Variants in SSBP2 observed in about 807,000 individuals in gnomAD.
SSBP2 encodes single-stranded DNA-binding protein 2.
In SSBP2, 17 loss-of-function variants were observed where a neutral mutation model predicts 61.8. The observed-to-expected ratio is 0.28, with a 90% CI of 0.19 to 0.41. The LOEUF (loss-of-function observed/expected upper bound fraction) is 0.41, where lower values mean the gene tolerates loss of function less well. SSBP2 is among the 10% of genes least tolerant of loss of function. SSBP2 has a pLI of 1.00. For missense variants in SSBP2, 310 were observed against 458.7 expected (o/e 0.68, Z 2.96); for synonymous variants, 139 against 141.3 (o/e 0.98, Z 0.12).
chr5:81,710,735 A>G (rs1222048298), intron 1 of SSBP2: 1 of 453,046 alleles, frequency 2.2e-6, no homozygotes, highest in African/African-American at 2.0e-5. Context: ...CATCACCCTT[A>G]CAAGAGTGAA....
chr5:81,517,579 A>G (rs1769132277), intron 4 of SSBP2, among the ~76,000 whole-genome samples: 1 of 151,942 alleles, frequency 6.6e-6, no homozygotes, highest in African/African-American at 2.4e-5. Context: ...TTCATGTTCT[A>G]TGTACTTACA....
intron 4 of SSBP2, among the ~76,000 whole-genome samples, chr5:81,606,396 G>C (rs1744881885): frequency 6.6e-6 from 1 of 152,140 alleles, no homozygotes; most frequent in Non-Finnish European, 1.5e-5. Flanking sequence ...TAGAAAGTAA[G>C]AGGGTTCCAA....
At position 81,494,091 on chromosome 5, in the gene SSBP2, T is replaced by C. The variant is rs1259909021; in HGVS notation, c.373-4782A>G. Among the ~76,000 whole-genome samples the C allele has an allele frequency of 3.3e-5, 5 of 152,300 alleles. No homozygotes were observed. In the East Asian group the frequency reaches 9.6e-4, roughly 29 times the overall value. Reference sequence around the variant, plus strand: ...CACTAATCTGAGACAAATAGAATGTTCTCTTCACCAAATGGCGAGTATCAA... The same window carrying C: ...CACTAATCTGAGACAAATAGAATGTCCTCTTCACCAAATGGCGAGTATCAA... On this transcript the variant is annotated intron_variant, in intron 5 of 16. Transcript: ENST00000320672.
chr5:81,672,659 C>G (rs754549009), intron 1 of SSBP2, among the ~76,000 whole-genome samples: 1 of 151,734 alleles, frequency 6.6e-6, no homozygotes, highest in Non-Finnish European at 1.5e-5. Context: ...GCAACCTCCA[C>G]CTCCCAGGTA....
At position 81,615,360 on chromosome 5, in the gene SSBP2, A is replaced by C. The variant is rs973483928; in HGVS notation, c.282+113T>G. The C allele has an allele frequency of 1.4e-5, 11 of 806,374 alleles. No individual in the cohort carries two copies. In the African/African-American group the frequency reaches 1.9e-4, roughly 14 times the overall value. 50.0% of individuals were successfully genotyped at this position (806,374 alleles called of 1,614,324 possible). A position where few individuals can be genotyped will look rare whatever the true frequency, so the allele number is the denominator to read the frequency against. The stretch of plus-strand genomic sequence containing the variant: ...CTACTTTTCAAGAAAAAAGAGACCA[A>C]ACAATTTCTTAAGTACCAAAACAAA... On this transcript the variant is annotated intron_variant, in intron 4 of 16. Transcript: ENST00000320672.
intron 4 of SSBP2, among the ~76,000 whole-genome samples, chr5:81,542,565 T>C (rs1314915107): frequency 6.6e-6 from 1 of 151,994 alleles, no homozygotes; most frequent in Non-Finnish European, 1.5e-5. Context: ...TTCCATGGTG[T>C]ATACACATGG....
At chr5:81,466,160 T>C (rs527796615) in intron 9 of SSBP2, among the ~76,000 whole-genome samples, 1 of 152,158 alleles carries the variant, frequency 6.6e-6, no homozygotes, top group African/African-American at 2.4e-5. Context: ...TCATTACTTT[T>C]GGTAAATTTT....
chr5:81,670,432 G>A (rs528307582), intron 1 of SSBP2, among the ~76,000 whole-genome samples: 8 of 152,166 alleles, frequency 5.3e-5, no homozygotes, highest in African/African-American at 7.2e-5. Context: ...TCTAAACTTA[G>A]TAAAGTTCCT....
intron 4 of SSBP2, among the ~76,000 whole-genome samples, chr5:81,544,126 T>A (rs1408288617): frequency 6.6e-6 from 1 of 152,116 alleles, no homozygotes. Flanking sequence ...CTCGGCTCAC[T>A]GCAAGCTCCG....
At chr5:81,591,798 A>G (rs1775524674) in intron 4 of SSBP2, among the ~76,000 whole-genome samples, 1 of 152,244 alleles carries the variant, frequency 6.6e-6, no homozygotes, top group South Asian at 2.1e-4. Flanking sequence ...TTACAGGACA[A>G]TAGCAAACAG....
chr5:81,430,304 A>G (rs1762207559), intron 15 of SSBP2, among the ~76,000 whole-genome samples: 1 of 152,312 alleles, frequency 6.6e-6, no homozygotes, highest in East Asian at 1.9e-4. Flanking sequence ...TAATACTAGA[A>G]TAAAATACAA....
At chr5:81,433,036 G>A (rs1450587085) in intron 15 of SSBP2, among the ~76,000 whole-genome samples, 18 of 151,540 alleles carry the variant, frequency 1.2e-4, no homozygotes, top group African/African-American at 3.4e-4. Flanking sequence ...GGTGAGGGGC[G>A]CCTCTGCCCG....
chr5:81,431,505 A>G (rs1762285065), intron 15 of SSBP2, among the ~76,000 whole-genome samples: 1 of 152,146 alleles, frequency 6.6e-6, no homozygotes, highest in Non-Finnish European at 1.5e-5. Context: ...ATAATACACC[A>G]CAAACACAAT....
intron 1 of SSBP2, among the ~76,000 whole-genome samples, chr5:81,676,487 AACC>A (rs1751996428): frequency 6.6e-6 from 1 of 152,158 alleles, no homozygotes; most frequent in African/African-American, 2.4e-5. Flanking sequence ...TCCGTATCTC[AACC>A]CACGTAACAC....
intron 3 of SSBP2, 35 bp downstream of exon 3, chr5:81,636,522 A>C: frequency 6.4e-7 from 1 of 1,554,718 alleles, no homozygotes; most frequent in South Asian, 1.1e-5. Flanking sequence ...GAAATGCATC[A>C]TCAAGCCAGT....
chr5:81,517,227 G>A (rs1769099092), intron 4 of SSBP2, among the ~76,000 whole-genome samples: 1 of 151,974 alleles, frequency 6.6e-6, no homozygotes, highest in Admixed American at 6.6e-5. Context: ...TAAGACTTCA[G>A]TGCAGATATA....
chr5:81,587,753 A>ACGCG lies in SSBP2; in HGVS notation c.282+27719_282+27720insCGCG, dbSNP rs1287567021. On this transcript the variant is annotated intron_variant, in intron 4 of 16. Coordinates refer to ENST00000320672, the MANE Select transcript of SSBP2 (RefSeq NM_012446.5). ...TCAAAACATACACACACACGCACAC[A>ACGCG]CACGCGCGCGCACACACACACACAC... Among the ~76,000 whole-genome samples the ACGCG allele has an allele frequency of 2.4e-4, 28 of 115,514 alleles. No homozygotes were observed. In the South Asian group the frequency reaches 2.5e-3, roughly 10 times the overall value. The allele number at this position is 115,514 out of a possible 152,430, so 75.8% of individuals were successfully genotyped here. A position where few individuals can be genotyped will look rare whatever the true frequency, so the allele number is the denominator to read the frequency against.
chr5:81,596,059 C>T (rs1429070718), intron 4 of SSBP2, among the ~76,000 whole-genome samples: 1 of 152,170 alleles, frequency 6.6e-6, no homozygotes, highest in Admixed American at 6.5e-5. Context: ...TCCCTGTTTG[C>T]AGACGACATG....
chr5:81,721,277 T>C (rs1755525965), intron 1 of SSBP2, among the ~76,000 whole-genome samples: 1 of 152,084 alleles, frequency 6.6e-6, no homozygotes, highest in Non-Finnish European at 1.5e-5. Context: ...GGCTTGAGAA[T>C]CACACGACCT....
Sources: gnomAD v4.1 joint callset for allele counts (sites outside exome capture counted in the v4.1 genomes callset) on GRCh38, gnomAD v4.1.1 for gene constraint, MANE v1.5 for transcripts, NCBI Gene and HGNC (gene_info 2026-07-23, HGNC 2026-07-21) for gene names.